The following DSCAML1 variants were observed in gnomAD, a reference collection of about 807,000 sequenced individuals.
DSCAML1 encodes DS cell adhesion molecule like 1, also known as cell adhesion molecule DSCAML1.
A neutral mutation model predicts 200.5 loss-of-function variants in DSCAML1; 38 were observed. The observed-to-expected ratio is 0.19, with a 90% CI of 0.15 to 0.25. The LOEUF (loss-of-function observed/expected upper bound fraction) is 0.25, where lower values mean the gene tolerates loss of function less well. Ranked by LOEUF, DSCAML1 falls within the 10% of genes least tolerant of loss-of-function variation. The pLI is 1.00. For missense variants in DSCAML1, 2,223 were observed against 2,858.8 expected (o/e 0.78, Z 5.07); for synonymous variants, 1,215 against 1,165.0 (o/e 1.04, Z -0.87).
At position 117,769,233 on chromosome 11, in the gene DSCAML1, A is replaced by T. The variant is rs369176419; in HGVS notation, c.511+7558T>A. Among the ~76,000 whole-genome samples, 9 of 28,380 alleles carry T rather than the reference A, an allele frequency of 3.2e-4. No individual in the cohort carries two copies. In the South Asian group the frequency reaches 6.4e-3, roughly 20 times the overall value. 18.6% of individuals were successfully genotyped at this position (28,380 alleles called of 152,430 possible). ...ATATTTTATATATATTGTATATATT[A>T]TATATTTTATATATGTATATATTAT... is the stretch of plus-strand genomic sequence containing the variant. On this transcript the variant is annotated intron_variant, in intron 3 of 32. Coordinates refer to ENST00000651296, the MANE Select transcript of DSCAML1 (RefSeq NM_020693.4).
intron 8 of DSCAML1, among the ~76,000 whole-genome samples, chr11:117,512,774 CA>C (rs1412074554): frequency 6.1e-5 from 9 of 146,396 alleles, no homozygotes; most frequent in African/African-American, 2.3e-4. Flanking sequence ...CACACACACA[CA>C]CACACACACA....
intron 11 of DSCAML1, among the ~76,000 whole-genome samples, chr11:117,488,550 C>T (rs1004435438): frequency 1.1e-4 from 16 of 152,000 alleles, no homozygotes; most frequent in Non-Finnish European, 1.8e-4. Context: ...GACACACACA[C>T]ACACACCACA....
At position 117,443,942 on chromosome 11, in the gene DSCAML1, G is replaced by C; in HGVS notation, c.3806C>G (p.Thr1269Ser). The change falls in exon 21 of 33, where the codon ACC becomes AGC. Residue 1269 changes from threonine (T) to serine (S), a missense_variant. By Grantham distance (58) the Thr-to-Ser change is moderately conservative. Coordinates refer to ENST00000651296, the MANE Select transcript of DSCAML1 (RefSeq NM_020693.4). Reference sequence around the variant, plus strand: ...GCTGCTGTTGCCCCGGCCGGCAGAGGTGACGGCGGCCACCCACAGCAGATA... The same window carrying C: ...GCTGCTGTTGCCCCGGCCGGCAGAGCTGACGGCGGCCACCCACAGCAGATA... ...QQYLLWVAAVTSAGRGNSSEK... is the reference protein window; with the variant it reads ...QQYLLWVAAVSSAGRGNSSEK... 1 of 1,613,402 alleles carries C rather than the reference G, an allele frequency of 6.2e-7. No individual in the cohort carries two copies. The highest frequency in any genetic ancestry group is 8.5e-7 in the Non-Finnish European group (1 of 1,179,856).
At chr11:117,730,712 A>C (rs1304874896) in intron 3 of DSCAML1, among the ~76,000 whole-genome samples, 1 of 152,258 alleles carries the variant, frequency 6.6e-6, no homozygotes, top group Non-Finnish European at 1.5e-5. Context: ...GGTATCTACC[A>C]AGAGAAATTA....
chr11:117,668,868 C>A (rs565323958), intron 3 of DSCAML1: 1 of 152,150 alleles, frequency 6.6e-6, no homozygotes, highest in Non-Finnish European at 1.5e-5. Context: ...AGGCTAGCAC[C>A]CAAATTACAG....
At chr11:117,451,594 C>T (rs970589143) in intron 19 of DSCAML1, among the ~76,000 whole-genome samples, 1 of 152,118 alleles carries the variant, frequency 6.6e-6, no homozygotes, top group Non-Finnish European at 1.5e-5. Flanking sequence ...GAAGCCAAGG[C>T]GGGCGGATCC....
intron 3 of DSCAML1, among the ~76,000 whole-genome samples, chr11:117,643,685 G>A (rs540655261): frequency 1.3e-5 from 2 of 152,074 alleles, no homozygotes; most frequent in Admixed American, 6.5e-5. Context: ...TCCTGCAGGG[G>A]AGGAGTGGGG....
chr11:117,556,516 T>G (rs1011179679), intron 3 of DSCAML1, among the ~76,000 whole-genome samples: 7 of 36,020 alleles, frequency 1.9e-4, no homozygotes, highest in Non-Finnish European at 3.8e-4. Flanking sequence ...TCTAAATCTT[T>G]TCCAGTTAAT....
chr11:117,665,538 G>C (rs1407060376), intron 3 of DSCAML1, among the ~76,000 whole-genome samples: 1 of 152,210 alleles, frequency 6.6e-6, no homozygotes, highest in Non-Finnish European at 1.5e-5. Flanking sequence ...TAGGGCCTCA[G>C]ATTGGGTCTG....
At chr11:117,634,104 C>A (rs1644761380) in intron 3 of DSCAML1, among the ~76,000 whole-genome samples, 1 of 152,182 alleles carries the variant, frequency 6.6e-6, no homozygotes, top group African/African-American at 2.4e-5. Context: ...CGGCAAGTAT[C>A]CAGAGGCTCC....
At chr11:117,475,210 G>A (rs1266462083) in intron 14 of DSCAML1, among the ~76,000 whole-genome samples, 2 of 152,040 alleles carry the variant, frequency 1.3e-5, no homozygotes, top group Non-Finnish European at 2.9e-5. Context: ...TCTACACTGC[G>A]GCCATTGTCC....
chr11:117,564,773 CTTCT>C (rs2050727591), intron 3 of DSCAML1, among the ~76,000 whole-genome samples: 1 of 133,102 alleles, frequency 7.5e-6, no homozygotes, highest in Admixed American at 7.8e-5. Context: ...TTCTTTCTTT[CTTCT>C]TTCTTTTTGA....
At chr11:117,495,664 C>G (rs540440826) in intron 11 of DSCAML1, among the ~76,000 whole-genome samples, 3 of 152,096 alleles carry the variant, frequency 2.0e-5, no homozygotes, top group Non-Finnish European at 4.4e-5. Context: ...GCTCAGGGCA[C>G]CCCCTGTCAC....
intron 3 of DSCAML1, among the ~76,000 whole-genome samples, chr11:117,624,195 T>A (rs2051996672): frequency 6.6e-6 from 1 of 152,174 alleles, no homozygotes; most frequent in Non-Finnish European, 1.5e-5. Flanking sequence ...TTGATTGAAA[T>A]CAGCTGAATC....
At chr11:117,786,751 G>A (rs1365887786) in intron 1 of DSCAML1, among the ~76,000 whole-genome samples, 2 of 152,158 alleles carry the variant, frequency 1.3e-5, no homozygotes, top group East Asian at 3.9e-4. Flanking sequence ...TGGGAGATGA[G>A]TCATTTTGTT....
At chr11:117,737,591 C>T (rs2137832148) in intron 3 of DSCAML1, among the ~76,000 whole-genome samples, 1 of 152,320 alleles carries the variant, frequency 6.6e-6, no homozygotes, top group East Asian at 1.9e-4. Flanking sequence ...ATGGAACACA[C>T]CGTACCGCTG....
chr11:117,623,216 C>CTT (rs56343852), intron 3 of DSCAML1, among the ~76,000 whole-genome samples: 42,525 of 120,892 alleles, frequency 0.35, 8,170 homozygotes, highest in Admixed American at 0.5. Context: ...CTTTTCTTTT[C>CTT]TTTTTTTTTT....
intron 3 of DSCAML1, among the ~76,000 whole-genome samples, chr11:117,729,027 A>G (rs1220712161): frequency 1.3e-5 from 2 of 152,262 alleles, no homozygotes; most frequent in African/African-American, 2.4e-5. Flanking sequence ...AACTCACTAC[A>G]AAGCTACGGT....
chr11:117,473,355 G>A (rs1471228568), intron 14 of DSCAML1, among the ~76,000 whole-genome samples: 2 of 151,994 alleles, frequency 1.3e-5, no homozygotes, highest in African/African-American at 4.8e-5. Flanking sequence ...AAATTAGCCG[G>A]GCGTGGTGGT....
Sources: allele counts gnomAD v4.1 joint callset (sites outside exome capture counted in the v4.1 genomes callset), GRCh38; gene constraint gnomAD v4.1.1; transcripts MANE v1.5; gene names NCBI Gene and HGNC (gene_info 2026-07-23, HGNC 2026-07-21).